The following CTNND2 variants were observed in gnomAD, a reference collection of about 807,000 sequenced individuals.
CTNND2 encodes catenin delta 2.
In CTNND2, 22 loss-of-function variants were observed where a neutral mutation model predicts 144.4. The ratio of observed to expected loss-of-function variants is 0.15; its 90% confidence interval spans 0.11 to 0.22. CTNND2 has a LOEUF of 0.22. Among genes scored for constraint, CTNND2 ranks in the 10% least tolerant of loss-of-function variants. The pLI is 1.00. For synonymous variants in CTNND2, 751 were observed against 695.6 expected (o/e 1.08, Z -1.25); for missense variants, 1,353 against 1,618.8 (o/e 0.84, Z 2.82).
chr5:11,408,318 G>A (rs79832774), intron 5 of CTNND2, among the ~76,000 whole-genome samples: 1,846 of 151,982 alleles, frequency 0.012, 74 homozygotes, highest in East Asian at 0.12. Flanking sequence ...CTTAAAATTC[G>A]CAATATTGAT....
chr5:11,295,789 G>C (rs895113084), intron 9 of CTNND2, among the ~76,000 whole-genome samples: 13 of 152,104 alleles, frequency 8.5e-5, no homozygotes, highest in African/African-American at 2.9e-4. Context: ...TATGTAGAAA[G>C]CTGAAACTGG....
chr5:11,134,399 C>T lies in CTNND2; in HGVS notation c.2160-16832G>A, dbSNP rs970458128. On this transcript the variant is annotated intron_variant, in intron 12 of 21. Transcript: ENST00000304623. ...GATTTCAGACTCGAGAGGCTCCAAA[C>T]AGAGAAACCAGCCAAGACCCCTGCA... Among the ~76,000 whole-genome samples the T allele has an allele frequency of 3.9e-5, 6 of 152,202 alleles. No individual in the cohort carries two copies. In the South Asian group the frequency reaches 1.0e-3, roughly 26 times the overall value.
intron 2 of CTNND2, among the ~76,000 whole-genome samples, chr5:11,672,332 C>A (rs13184222): frequency 6.6e-6 from 1 of 152,346 alleles, no homozygotes; most frequent in South Asian, 2.1e-4. Flanking sequence ...CTGCTGCTCT[C>A]TTCAGAGCTG....
At chr5:11,332,398 T>C (rs574015589) in intron 9 of CTNND2, among the ~76,000 whole-genome samples, 2 of 152,226 alleles carry the variant, frequency 1.3e-5, no homozygotes, top group South Asian at 2.1e-4. Context: ...CTCCTGCTCG[T>C]CCATGCAGCC....
intron 3 of CTNND2, 69 bp downstream of exon 3, chr5:11,564,875 A>C: frequency 9.4e-7 from 1 of 1,061,864 alleles, no homozygotes; most frequent in South Asian, 1.4e-5. Context: ...GTTGGAAAGA[A>C]GAGAAACATC....
intron 8 of CTNND2, among the ~76,000 whole-genome samples, chr5:11,348,314 T>G (rs1211392953): frequency 1.3e-5 from 2 of 151,912 alleles, no homozygotes; most frequent in Non-Finnish European, 2.9e-5. Context: ...ATGTGCCTTA[T>G]ATTATGCTGA....
intron 7 of CTNND2, among the ~76,000 whole-genome samples, chr5:11,381,153 C>T (rs191662339): frequency 3.9e-3 from 596 of 152,306 alleles, no homozygotes; most frequent in Middle Eastern, 0.014. Context: ...ATACCCACTT[C>T]CATAACGTCC....
chr5:11,240,829 C>T (rs1201304930), intron 9 of CTNND2, among the ~76,000 whole-genome samples: 3 of 142,390 alleles, frequency 2.1e-5, no homozygotes, highest in African/African-American at 5.3e-5. Flanking sequence ...ACTCAGCACA[C>T]ACACCCCCCA....
chr5:11,850,901 A>C (rs181794578), intron 1 of CTNND2, among the ~76,000 whole-genome samples: 9 of 152,334 alleles, frequency 5.9e-5, no homozygotes, highest in Admixed American at 5.2e-4. Flanking sequence ...TTGGTCAAGC[A>C]CATGTTTAGA....
At chr5:11,588,859 C>G in intron 2 of CTNND2, 13 of 985,368 alleles carry the variant, frequency 1.3e-5, no homozygotes, top group Non-Finnish European at 1.6e-5. Flanking sequence ...GTGGAGCAGG[C>G]GGTTCCTGGC....
rs1741806805 is a variant in CTNND2, at chr5:11,017,967, G to T, written c.3084+7C>A. 1 of 1,612,140 alleles carries T rather than the reference G, an allele frequency of 6.2e-7. No individual in the cohort carries two copies. The highest frequency in any genetic ancestry group is 1.3e-5 in the African/African-American group (1 of 74,976). ...TGGACTCAGGGCCCAGGTGAAGCCAGCCTTACCTTTTTGTAGAGACTCCTC... is the reference window on the plus strand; with the variant it reads ...TGGACTCAGGGCCCAGGTGAAGCCATCCTTACCTTTTTGTAGAGACTCCTC... On this transcript the variant is annotated splice_region_variant and intron_variant, in intron 18 of 21. Transcript: ENST00000304623.
At chr5:11,830,582 C>T (rs1262040619) in intron 1 of CTNND2, among the ~76,000 whole-genome samples, 3 of 152,206 alleles carry the variant, frequency 2.0e-5, no homozygotes, top group Non-Finnish European at 4.4e-5. Context: ...CCATGTGGAA[C>T]TGTAAGTCCA....
At chr5:11,128,805 A>T (rs1580363214) in intron 12 of CTNND2, among the ~76,000 whole-genome samples, 1 of 18,016 alleles carries the variant, frequency 5.6e-5, no homozygotes. Context: ...TTATATATAT[A>T]CAATATATAT....
intron 2 of CTNND2, among the ~76,000 whole-genome samples, chr5:11,699,389 T>C (rs1561706915): frequency 1.3e-5 from 2 of 152,110 alleles, no homozygotes; most frequent in Non-Finnish European, 2.9e-5. Flanking sequence ...GAGGATACGA[T>C]GAGGATGACA....
intron 1 of CTNND2, among the ~76,000 whole-genome samples, chr5:11,900,888 TAA>T (rs1737797951): frequency 6.6e-6 from 1 of 152,198 alleles, no homozygotes; most frequent in African/African-American, 2.4e-5. Context: ...CCAACTATGT[TAA>T]GTCTTTTAAA....
At chr5:11,713,583 CAAAAAA>C (rs1165519277) in intron 2 of CTNND2, among the ~76,000 whole-genome samples, 5 of 57,890 alleles carry the variant, frequency 8.6e-5, no homozygotes, top group African/African-American at 2.3e-4. Flanking sequence ...GACTCCATCT[CAAAAAA>C]AAAAAAAAAA....
intron 3 of CTNND2, among the ~76,000 whole-genome samples, chr5:11,505,441 C>A (rs3895695): frequency 3.9e-5 from 6 of 151,976 alleles, no homozygotes; most frequent in African/African-American, 1.2e-4. Context: ...TGAAATAAAC[C>A]GCTTAATGTT....
rs546132787 is a variant in CTNND2 at position 11,897,369 on chromosome 5, C to A, written c.37+6448G>T. On this transcript the variant is annotated intron_variant, in intron 1 of 21. Transcript: ENST00000304623. ...CTTAGACTTAAATACAACATCGTAT[C>A]TATTTAGAAAAGCAATGTTTATCTT... is the stretch of plus-strand genomic sequence containing the variant. Among the ~76,000 whole-genome samples, 3 of 152,268 alleles carry A rather than the reference C, an allele frequency of 2.0e-5. No homozygotes were observed. In the East Asian group the frequency reaches 5.8e-4, roughly 29 times the overall value.
At chr5:11,304,954 TTG>T (rs1750028137) in intron 9 of CTNND2, among the ~76,000 whole-genome samples, 2 of 13,026 alleles carry the variant, frequency 1.5e-4, no homozygotes, top group South Asian at 7.6e-3. Flanking sequence ...ATGTGCTTCC[TTG>T]CTTGCTTGCT....
Sources: gnomAD v4.1 joint callset for allele counts (sites outside exome capture counted in the v4.1 genomes callset) on GRCh38, gnomAD v4.1.1 for gene constraint, MANE v1.5 for transcripts, NCBI Gene and HGNC (gene_info 2026-07-23, HGNC 2026-07-21) for gene names.